Variants in SLC3A1 observed in about 807,000 individuals in gnomAD.
The protein encoded by SLC3A1 is amino acid transporter heavy chain SLC3A1.
In SLC3A1, 78 loss-of-function variants were observed where a neutral mutation model predicts 60.3. The observed-to-expected ratio is 1.29, with a 90% CI of 1.08 to 1.56. The LOEUF (loss-of-function observed/expected upper bound fraction) is 1.56. Among genes scored for constraint, SLC3A1 ranks in the 40% most tolerant of loss-of-function variants. The probability of loss-of-function intolerance (pLI) is 0.00; values close to 1 mark genes in which losing one functional copy is unlikely to be tolerated. For synonymous variants in SLC3A1, 392 were observed against 307.9 expected (o/e 1.27, Z -2.86); for missense variants, 1,172 against 858.9 (o/e 1.36, Z -4.56).
chr2:44,307,017 C>A (rs1672174928), intron 7 of SLC3A1, among the ~76,000 whole-genome samples: 1 of 152,196 alleles, frequency 6.6e-6, no homozygotes, highest in African/African-American at 2.4e-5. Flanking sequence ...CCTCTCTGTC[C>A]TCAGTCTCTG....
At chr2:44,285,988 A>G (rs1303382182) in intron 3 of SLC3A1, 44 bp from the exon 4 acceptor site, 5 of 1,612,548 alleles carry the variant, frequency 3.1e-6, no homozygotes, top group Non-Finnish European at 4.2e-6. Flanking sequence ...TTTGTGGGCA[A>G]TACCATTATA....
At position 44,280,654 on chromosome 2, in the gene SLC3A1, A is replaced by AT. The variant is rs201266675; in HGVS notation, c.431-56dup. 1,157 of 1,157,586 alleles carry AT rather than the reference A, an allele frequency of 1.0e-3. 16 individuals are homozygous for AT. The African/African-American group carries it at 0.016, about 16-fold the overall frequency. The allele number at this position is 1,157,586 out of a possible 1,614,324, so 71.7% of individuals were successfully genotyped here. A position where few individuals can be genotyped will look rare whatever the true frequency, so the allele number is the denominator to read the frequency against. On this transcript the variant is annotated intron_variant, in intron 1 of 9. Transcript: ENST00000260649. ...TTTCTATCTTAGGCATATTTGTTATATTTTTTGTCCTTTAACTAAAACAAA... is the reference window on the plus strand; with the variant it reads ...TTTCTATCTTAGGCATATTTGTTATATTTTTTTGTCCTTTAACTAAAACAAA...
Position 44,304,146 on chromosome 2 carries a change from C to T in SLC3A1, c.1140C>T (p.Phe380=), listed in dbSNP as rs769147153. Residue 380 remains phenylalanine, a synonymous_variant, in exon 7 of 10, where the codon TTC becomes TTT. Transcript: ENST00000260649. ...QYSTEPGRYR[F]MGTEAYAESI... ...TGAACCTTGTCAACTCTTATAGGTTCATGGGGACTGAAGCCTATGCAGAGA... is the reference window on the plus strand; with the variant it reads ...TGAACCTTGTCAACTCTTATAGGTTTATGGGGACTGAAGCCTATGCAGAGA... 18 of 1,613,470 alleles carry T rather than the reference C, an allele frequency of 1.1e-5. No individual in the cohort carries two copies. The South Asian group carries it at 1.8e-4, about 16-fold the overall frequency.
At position 44,275,741 on chromosome 2, in the gene SLC3A1, C is replaced by A. The variant is rs1368220934; in HGVS notation, c.206C>A (p.Pro69His). ...GGCGTCCAGCCCTATGCGGGGATGC[C>A]CAAGGAGGTGCTGTTCCAGTTCTCT... ...FKGVQPYAGM[P>H]KEVLFQFSGQ... The change falls in exon 1 of 10, where the codon CCC becomes CAC. Residue 69 changes from proline to histidine, a missense_variant. By Grantham distance (77) the Pro-to-His change is moderately conservative. Coordinates refer to ENST00000260649, the MANE Select transcript of SLC3A1 (RefSeq NM_000341.4). 1.2e-6 allele frequency: 2 copies of A among 1,614,208 alleles called. No individual in the cohort carries two copies. Among genetic ancestry groups the A allele is most frequent in the East Asian group, 2.2e-5 (1 of 44,882 alleles).
intron 6 of SLC3A1, 162 bp from the exon 7 acceptor site, chr2:44,303,981 T>G: frequency 1.4e-6 from 1 of 704,256 alleles, no homozygotes; most frequent in East Asian, 2.7e-5. Flanking sequence ...AGTCTAACAT[T>G]TGGTGACAGC....
intron 1 of SLC3A1, among the ~76,000 whole-genome samples, chr2:44,276,330 G>A (rs549777535): frequency 3.9e-5 from 6 of 152,288 alleles, no homozygotes; most frequent in Admixed American, 2.6e-4. Context: ...GTGGCAGTTG[G>A]GAATTGCTTT....
chr2:44,308,131 C>T (rs1036863402), intron 7 of SLC3A1, among the ~76,000 whole-genome samples: 5 of 152,004 alleles, frequency 3.3e-5, no homozygotes, highest in Non-Finnish European at 7.4e-5. Context: ...GAGTGAGACC[C>T]CGTCTCTAAA....
intron 7 of SLC3A1, 70 bp downstream of exon 7, chr2:44,304,408 G>C (rs564657552): frequency 8.4e-7 from 1 of 1,194,842 alleles, no homozygotes; most frequent in Non-Finnish European, 1.2e-6. Flanking sequence ...TCTCTAAAAT[G>C]CAATGGACCT....
At chr2:44,319,005 C>G (rs2103622051) in intron 9 of SLC3A1, 1 of 152,312 alleles carries the variant, frequency 6.6e-6, no homozygotes, top group South Asian at 2.1e-4. Context: ...CTAACACTTA[C>G]CGGGCACTTC....
chr2:44,279,552 C>T (rs894929932), intron 1 of SLC3A1, among the ~76,000 whole-genome samples: 3 of 152,064 alleles, frequency 2.0e-5, no homozygotes, highest in Non-Finnish European at 2.9e-5. Flanking sequence ...GCAGACACTT[C>T]CGAGACCAAC....
intron 4 of SLC3A1, among the ~76,000 whole-genome samples, chr2:44,287,538 A>G (rs573314925): frequency 6.6e-6 from 1 of 152,128 alleles, no homozygotes; most frequent in Non-Finnish European, 1.5e-5. Flanking sequence ...CTACCAAAAA[A>G]TTGTTCATTG....
intron 5 of SLC3A1, 131 bp from the exon 6 acceptor site, chr2:44,300,872 A>G (rs955753787): frequency 2.6e-5 from 26 of 1,005,334 alleles, no homozygotes; most frequent in Non-Finnish European, 3.1e-6. Context: ...TTCTCCATCC[A>G]CAAAACCATG....
At chr2:44,298,077 C>T (rs1364935576) in intron 4 of SLC3A1, among the ~76,000 whole-genome samples, 3 of 152,156 alleles carry the variant, frequency 2.0e-5, no homozygotes, top group African/African-American at 4.8e-5. Context: ...GTTTTCATTT[C>T]TCTCGGGTAT....
chr2:44,293,669 C>T (rs906828708), intron 4 of SLC3A1, among the ~76,000 whole-genome samples: 33 of 152,118 alleles, frequency 2.2e-4, no homozygotes, highest in Admixed American at 1.4e-3. Context: ...AGCAAGAGGG[C>T]CAACTGCAAC....
chr2:44,288,287 A>G (rs1259829568), intron 4 of SLC3A1, among the ~76,000 whole-genome samples: 3 of 152,100 alleles, frequency 2.0e-5, no homozygotes, highest in African/African-American at 7.2e-5. Context: ...CAGCTTCCCA[A>G]AATGCTGGGA....
intron 7 of SLC3A1, among the ~76,000 whole-genome samples, chr2:44,305,829 G>A (rs1672140959): frequency 6.6e-6 from 1 of 152,086 alleles, no homozygotes; most frequent in African/African-American, 2.4e-5. Flanking sequence ...GACTGTTTCT[G>A]TGGTCTCATC....
intron 4 of SLC3A1, 71 bp from the exon 5 acceptor site, chr2:44,299,900 C>A: frequency 1.3e-6 from 2 of 1,535,870 alleles, no homozygotes; most frequent in South Asian, 1.1e-5. Flanking sequence ...TGTTAACAGT[C>A]AAAACTTTGA....
At chr2:44,296,354 TG>T (rs1671844333) in intron 4 of SLC3A1, among the ~76,000 whole-genome samples, 1 of 152,232 alleles carries the variant, frequency 6.6e-6, no homozygotes, top group South Asian at 2.1e-4. Context: ...ATTTTTCTTG[TG>T]GTTGTAGTTC....
intron 4 of SLC3A1, among the ~76,000 whole-genome samples, chr2:44,299,244 G>T (rs1303225587): frequency 6.6e-6 from 1 of 151,956 alleles, no homozygotes; most frequent in Non-Finnish European, 1.5e-5. Context: ...TCATCATGTT[G>T]GCCAGGCTGG....
Sources: allele counts gnomAD v4.1 joint callset (sites outside exome capture counted in the v4.1 genomes callset), GRCh38; gene constraint gnomAD v4.1.1; transcripts MANE v1.5; gene names NCBI Gene and HGNC (gene_info 2026-07-23, HGNC 2026-07-21).